Variants in ITGA8 observed in about 807,000 individuals in gnomAD.
ITGA8 encodes the protein integrin subunit alpha 8.
In ITGA8, 91 loss-of-function variants were observed where a neutral mutation model predicts 142.3. The ratio of observed to expected loss-of-function variants is 0.64; its 90% CI spans 0.54 to 0.76. The LOEUF (loss-of-function observed/expected upper bound fraction) is 0.76, where lower values mean the gene tolerates loss of function less well. Among genes scored for constraint, ITGA8 ranks in the 30% least tolerant of loss-of-function variants. The pLI is 0.00. For missense variants in ITGA8, 1,406 were observed against 1,327.7 expected (o/e 1.06, Z -0.92); for synonymous variants, 505 against 485.2 (o/e 1.04, Z -0.54).
intron 24 of ITGA8, among the ~76,000 whole-genome samples, chr10:15,572,958 T>G (rs568231968): frequency 3.2e-4 from 49 of 152,328 alleles, no homozygotes; most frequent in South Asian, 1.2e-3. Flanking sequence ...AGATGAACAT[T>G]TTTTAACACG....
chr10:15,608,262 T>C lies in ITGA8; in HGVS notation c.1582A>G (p.Thr528Ala), dbSNP rs1833232948. The change falls in exon 16 of 30, where the codon ACA becomes GCA. Residue 528 changes from threonine (T) to alanine (A), a missense_variant. Thr to Ala is a moderately conservative substitution (Grantham distance 58, BLOSUM62 0). Transcript: ENST00000378076. The stretch of plus-strand genomic sequence containing the variant: ...ATTGTGTTTGCAATGCTCTGGCCTG[T>C]GACAGATGCACATACTCTTAAAGAA... The part of the protein sequence containing the change: ...CFSLRVCASV[T>A]GQSIANTIVL... The C allele has an allele frequency of 6.3e-7, 1 of 1,597,680 alleles. No homozygotes were observed. The highest frequency in any genetic ancestry group is 2.2e-5 in the East Asian group (1 of 44,592).
chr10:15,534,375 T>C (rs1021054990), intron 27 of ITGA8, among the ~76,000 whole-genome samples: 2 of 152,210 alleles, frequency 1.3e-5, no homozygotes, highest in African/African-American at 4.8e-5. Context: ...CTATTACTTT[T>C]CTCCCCAACT....
At chr10:15,645,903 C>G (rs7918309) in intron 12 of ITGA8, among the ~76,000 whole-genome samples, 65,451 of 151,976 alleles carry the variant, frequency 0.43, 14,283 homozygotes, top group East Asian at 0.52. Flanking sequence ...ACAAGCCTAA[C>G]CTACGAGTTT....
intron 2 of ITGA8, among the ~76,000 whole-genome samples, chr10:15,694,442 CTTACAT>C (rs1272591054): frequency 8.1e-5 from 5 of 61,532 alleles, no homozygotes; most frequent in African/African-American, 2.4e-4. Flanking sequence ...TATGATATAT[CTTACAT>C]TTATATTTAT....
At position 15,532,431 on chromosome 10, in the gene ITGA8, A is replaced by AAAAAAAAAAAG. The variant is rs1554769475; in HGVS notation, c.2881-1281_2881-1280insCTTTTTTTTTT. The stretch of plus-strand genomic sequence containing the variant: ...GAGACTCCCTCTCAAAAAAAAAAAA[A>AAAAAAAAAAAG]AAAAAAAAAAAAAAAGCCTCTAGTT... On this transcript the variant is annotated intron_variant, in intron 27 of 29. Coordinates refer to ENST00000378076, the MANE Select transcript of ITGA8 (RefSeq NM_003638.3). Among the ~76,000 whole-genome samples the AAAAAAAAAAAG allele has an allele frequency of 6.4e-4, 89 of 139,136 alleles. 4 individuals are homozygous for AAAAAAAAAAAG. Among genetic ancestry groups the AAAAAAAAAAAG allele is most frequent in the African/African-American group, 1.9e-3 (70 of 36,852 alleles). The allele number at this position is 139,136 out of a possible 152,430, so 91.3% of individuals were successfully genotyped here. A position where few individuals can be genotyped will look rare whatever the true frequency, so the allele number is the denominator to read the frequency against.
At chr10:15,614,381 G>A (rs1157564336) in intron 14 of ITGA8, among the ~76,000 whole-genome samples, 2 of 152,130 alleles carry the variant, frequency 1.3e-5, no homozygotes, top group Non-Finnish European at 2.9e-5. Flanking sequence ...CACCTAAAGA[G>A]CTTTAAAACA....
intron 25 of ITGA8, among the ~76,000 whole-genome samples, chr10:15,563,564 T>C (rs969714753): frequency 6.6e-6 from 1 of 152,162 alleles, no homozygotes; most frequent in South Asian, 2.1e-4. Flanking sequence ...TCCCAAGATA[T>C]AGCCTATTAT....
intron 4 of ITGA8, among the ~76,000 whole-genome samples, chr10:15,681,882 C>T (rs1393407859): frequency 1.3e-5 from 2 of 152,140 alleles, no homozygotes; most frequent in Non-Finnish European, 2.9e-5. Flanking sequence ...AATAATGAAT[C>T]TCTCCACTAC....
chr10:15,631,292 A>G (rs1833680877), intron 13 of ITGA8, among the ~76,000 whole-genome samples: 1 of 152,018 alleles, frequency 6.6e-6, no homozygotes, highest in Admixed American at 6.5e-5. Flanking sequence ...CACTATTCAC[A>G]ATAGCAAAGA....
At chr10:15,708,211 C>T (rs1232418074) in intron 2 of ITGA8, among the ~76,000 whole-genome samples, 1 of 152,098 alleles carries the variant, frequency 6.6e-6, no homozygotes, top group Admixed American at 6.5e-5. Context: ...CTCTCTTTTC[C>T]CCCCTTAGAT....
chr10:15,626,907 T>A (rs1202793147), intron 13 of ITGA8, among the ~76,000 whole-genome samples: 2 of 152,164 alleles, frequency 1.3e-5, no homozygotes, highest in Non-Finnish European at 2.9e-5. Flanking sequence ...GTTTGAGCCC[T>A]CCAGTCTGTG....
At chr10:15,674,137 T>G (rs935927082) in intron 6 of ITGA8, among the ~76,000 whole-genome samples, 26 of 152,176 alleles carry the variant, frequency 1.7e-4, no homozygotes, top group Admixed American at 1.0e-3. Context: ...GCCAAGTGAC[T>G]GGGACTTGAA....
chr10:15,575,417 G>C (rs1834267674), intron 24 of ITGA8, 72 bp downstream of exon 24: 2 of 1,026,562 alleles, frequency 1.9e-6, no homozygotes, highest in Non-Finnish European at 1.5e-6. Flanking sequence ...TGATAATAAT[G>C]CTACATAGAA....
intron 20 of ITGA8, among the ~76,000 whole-genome samples, chr10:15,600,007 G>C (rs1833076307): frequency 6.6e-6 from 1 of 152,176 alleles, no homozygotes; most frequent in Non-Finnish European, 1.5e-5. Context: ...CTACATAATA[G>C]CTGTATAACC....
intron 21 of ITGA8, among the ~76,000 whole-genome samples, chr10:15,595,374 T>C (rs1304665584): frequency 6.6e-6 from 1 of 152,188 alleles, no homozygotes; most frequent in Non-Finnish European, 1.5e-5. Context: ...TCAAAGTGTT[T>C]TATAACAAAA....
chr10:15,658,983 A>G lies in ITGA8; in HGVS notation c.948+16T>C. ...CCCAGAGTGATTTTATTTATTTGAT[A>G]TTAAAATGTCTCTACCTGTTCTCCC... On this transcript the variant is annotated intron_variant, in intron 10 of 29. Transcript: ENST00000378076. 1 of 1,515,458 alleles carries G rather than the reference A, an allele frequency of 6.6e-7. No homozygotes were observed. The allele number at this position is 1,515,458 out of a possible 1,614,324, so 93.9% of individuals were successfully genotyped here.
chr10:15,528,117 G>C (rs1354149106), intron 28 of ITGA8, among the ~76,000 whole-genome samples: 1 of 151,828 alleles, frequency 6.6e-6, no homozygotes, highest in Non-Finnish European at 1.5e-5. Context: ...TTGTTTGTTT[G>C]TAGAGGCAGA....
intron 25 of ITGA8, among the ~76,000 whole-genome samples, chr10:15,569,648 GC>G (rs1407820153): frequency 6.6e-6 from 1 of 152,050 alleles, no homozygotes; most frequent in African/African-American, 2.4e-5. Flanking sequence ...CAAACTCCTG[GC>G]CTTACGTGAT....
At chr10:15,715,912 T>C (rs1835441945) in intron 2 of ITGA8, among the ~76,000 whole-genome samples, 2 of 152,210 alleles carry the variant, frequency 1.3e-5, no homozygotes, top group Non-Finnish European at 2.9e-5. Context: ...GAGCAACCAC[T>C]TGGTAGCAAA....
Sources: gnomAD v4.1 joint callset for allele counts (sites outside exome capture counted in the v4.1 genomes callset) on GRCh38, gnomAD v4.1.1 for gene constraint, MANE v1.5 for transcripts, NCBI Gene and HGNC (gene_info 2026-07-23, HGNC 2026-07-21) for gene names.